The following ZFAND3 variants were observed in gnomAD, a reference collection of about 807,000 sequenced individuals.
ZFAND3 encodes the protein zinc finger AN1-type containing 3, also known as AN1-type zinc finger protein 3.
In ZFAND3, 10 loss-of-function variants were observed where a neutral mutation model predicts 29.6. The observed-to-expected ratio is 0.34, with a 90% CI of 0.21 to 0.57. The LOEUF (loss-of-function observed/expected upper bound fraction) is 0.57. Among genes scored for constraint, ZFAND3 ranks in the 20% least tolerant of loss-of-function variants. The pLI is 0.86. For synonymous variants in ZFAND3, 128 were observed against 112.6 expected (o/e 1.14, Z -0.87); for missense variants, 230 against 304.5 (o/e 0.76, Z 1.82).
At chr6:38,103,365 TATAC>T (rs1442841554) in intron 4 of ZFAND3, among the ~76,000 whole-genome samples, 8 of 145,750 alleles carry the variant, frequency 5.5e-5, no homozygotes, top group East Asian at 2.3e-4. Context: ...TATATATATA[TATAC>T]ACACAATATA....
intron 5 of ZFAND3, among the ~76,000 whole-genome samples, chr6:38,122,303 T>C (rs73730896): frequency 0.03 from 4,502 of 152,248 alleles, 173 homozygotes; most frequent in African/African-American, 0.085. Context: ...CCTAATACAA[T>C]GTAAATGCTA....
intron 1 of ZFAND3, among the ~76,000 whole-genome samples, chr6:37,887,050 A>ACTC (rs35551628): frequency 0.13 from 19,803 of 152,050 alleles, 2,077 homozygotes; most frequent in African/African-American, 0.3. Context: ...TGTATATCAT[A>ACTC]CTCCTATTCC....
intron 2 of ZFAND3, among the ~76,000 whole-genome samples, chr6:37,956,642 T>C (rs1762090241): frequency 6.6e-6 from 1 of 152,208 alleles, no homozygotes; most frequent in Non-Finnish European, 1.5e-5. Flanking sequence ...AGAGCAGTGT[T>C]TATCTTTTTG....
At chr6:37,831,971 T>C (rs541852572) in intron 1 of ZFAND3, among the ~76,000 whole-genome samples, 2 of 152,266 alleles carry the variant, frequency 1.3e-5, no homozygotes, top group South Asian at 4.1e-4. Flanking sequence ...AAAAAGTTAA[T>C]GTGGAGGATG....
At chr6:38,012,623 C>T (rs1159948980) in intron 2 of ZFAND3, among the ~76,000 whole-genome samples, 5 of 152,230 alleles carry the variant, frequency 3.3e-5, no homozygotes, top group Non-Finnish European at 5.9e-5. Flanking sequence ...GTGATCCAGC[C>T]GCCTCGGCCT....
intron 1 of ZFAND3, among the ~76,000 whole-genome samples, chr6:37,919,826 T>C (rs1761338929): frequency 6.6e-6 from 1 of 152,208 alleles, no homozygotes; most frequent in Admixed American, 6.5e-5. Flanking sequence ...GTTGTAACCA[T>C]GACAAAGTAT....
chr6:37,968,393 C>A (rs2127427346), intron 2 of ZFAND3, among the ~76,000 whole-genome samples: 2 of 151,138 alleles, frequency 1.3e-5, no homozygotes, highest in East Asian at 3.9e-4. Flanking sequence ...TTAGCGAATA[C>A]TAGATGCAGA....
At chr6:37,835,536 G>GT (rs1763951656) in intron 1 of ZFAND3, among the ~76,000 whole-genome samples, 2 of 150,582 alleles carry the variant, frequency 1.3e-5, no homozygotes, top group Non-Finnish European at 3.0e-5. Flanking sequence ...GTACTGTATG[G>GT]TTTTGTATTA....
rs552006809 is a variant in ZFAND3, at chr6:37,921,083, C to G, written c.72-8876C>G. Among the ~76,000 whole-genome samples the G allele has an allele frequency of 3.4e-4, 51 of 152,142 alleles. 2 individuals are homozygous for G. Among genetic ancestry groups the G allele is most frequent in the Non-Finnish European group, 5.9e-4 (40 of 68,034 alleles). ...TCCCTTCCTTTCCTTTACCACCCCA[C>G]TCCTCGCCGCCTTCTCCTTCTCTTT... On this transcript the variant is annotated intron_variant, in intron 1 of 5. Coordinates refer to ENST00000287218, the MANE Select transcript of ZFAND3 (RefSeq NM_021943.3).
Position 38,150,170 on chromosome 6 carries a change from C to T in ZFAND3, c.530-2065C>T, listed in dbSNP as rs372508037. ...AAAGACAACTGGTATCCAATATCTT[C>T]GAGTAATGAACTTATCAGTAAATGT... On this transcript the variant is annotated intron_variant, in intron 5 of 5. Transcript: ENST00000287218. 8.5e-5 allele frequency among the ~76,000 whole-genome samples: 13 copies of T among 152,314 alleles called. No individual in the cohort carries two copies. The East Asian group carries it at 1.9e-3, about 23-fold the overall frequency.
intron 2 of ZFAND3, among the ~76,000 whole-genome samples, chr6:38,048,247 C>CCCTATCTG (rs1763946852): frequency 6.6e-6 from 1 of 152,000 alleles, no homozygotes; most frequent in Non-Finnish European, 1.5e-5. Context: ...AAGCTATCTG[C>CCCTATCTG]CCACCTCCGC....
intron 2 of ZFAND3, among the ~76,000 whole-genome samples, chr6:38,000,086 C>G (rs1181798655): frequency 1.3e-5 from 2 of 151,952 alleles, no homozygotes; most frequent in African/African-American, 2.4e-5. Flanking sequence ...AGTAGAATTG[C>G]TTTTACTTAT....
At chr6:38,144,970 T>G (rs1302791664) in intron 5 of ZFAND3, among the ~76,000 whole-genome samples, 1 of 152,230 alleles carries the variant, frequency 6.6e-6, no homozygotes. Context: ...AGCATCACCT[T>G]CTTTGTCTCC....
intron 2 of ZFAND3, among the ~76,000 whole-genome samples, chr6:38,030,025 G>A (rs1486978688): frequency 8.9e-6 from 1 of 112,554 alleles, no homozygotes; most frequent in Non-Finnish European, 1.8e-5. Flanking sequence ...ACTTTCTTTA[G>A]CATTTCTTGT....
intron 4 of ZFAND3, among the ~76,000 whole-genome samples, chr6:38,084,158 A>T (rs997240185): frequency 3.9e-5 from 6 of 152,090 alleles, no homozygotes; most frequent in Admixed American, 6.6e-5. Flanking sequence ...TTCACATTTT[A>T]TTGTAATTGT....
chr6:37,922,227 A>G (rs1761395179), intron 1 of ZFAND3, among the ~76,000 whole-genome samples: 1 of 152,202 alleles, frequency 6.6e-6, no homozygotes, highest in Admixed American at 6.5e-5. Flanking sequence ...TCTTAAAGCC[A>G]TTCAAATACA....
chr6:37,952,148 A>G (rs903004637), intron 2 of ZFAND3, among the ~76,000 whole-genome samples: 3 of 152,090 alleles, frequency 2.0e-5, no homozygotes, highest in Admixed American at 6.5e-5. Flanking sequence ...CATCAGGGAT[A>G]TTGGTGTGAA....
At chr6:38,119,457 G>A (rs760101727) in intron 5 of ZFAND3, among the ~76,000 whole-genome samples, 6 of 152,106 alleles carry the variant, frequency 3.9e-5, no homozygotes, top group Non-Finnish European at 7.4e-5. Flanking sequence ...TCTTCCATTT[G>A]CCTTCCATTC....
At chr6:38,102,871 C>T (rs867978089) in intron 4 of ZFAND3, among the ~76,000 whole-genome samples, 15 of 152,148 alleles carry the variant, frequency 9.9e-5, no homozygotes, top group Admixed American at 6.6e-4. Flanking sequence ...ATTCTCCTGC[C>T]TCAGCCTCTG....
Sources: gnomAD v4.1 joint callset for allele counts (sites outside exome capture counted in the v4.1 genomes callset) on GRCh38, gnomAD v4.1.1 for gene constraint, MANE v1.5 for transcripts, NCBI Gene and HGNC (gene_info 2026-07-23, HGNC 2026-07-21) for gene names.